The following ALPK2 variants were observed in gnomAD, a reference collection of about 807,000 sequenced individuals.
ALPK2 encodes the protein alpha kinase 2.
In ALPK2, 127 loss-of-function variants were observed where a neutral mutation model predicts 163.1. The observed-to-expected ratio is 0.78, with a 90% CI of 0.67 to 0.90. ALPK2 has a LOEUF of 0.90. Among genes scored for constraint, ALPK2 ranks in the 40% least tolerant of loss-of-function variants. ALPK2 has a pLI of 0.00. For synonymous variants in ALPK2, 953 were observed against 959.1 expected (o/e 0.99, Z 0.12); for missense variants, 2,360 against 2,589.6 (o/e 0.91, Z 1.92).
intron 3 of ALPK2, among the ~76,000 whole-genome samples, chr18:58,605,527 G>A (rs2052093604): frequency 6.6e-6 from 1 of 152,304 alleles, no homozygotes; most frequent in Admixed American, 6.5e-5. Flanking sequence ...CCCCCTGTGA[G>A]GCCCACAGTC....
At chr18:58,563,291 G>A (rs71357604) in intron 4 of ALPK2, among the ~76,000 whole-genome samples, 22,877 of 152,078 alleles carry the variant, frequency 0.15, 1,980 homozygotes, top group African/African-American at 0.22. Context: ...CTGGCTTTTC[G>A]TCTCTTAAAG....
At chr18:58,601,420 C>T (rs138838903) in intron 3 of ALPK2, among the ~76,000 whole-genome samples, 72 of 152,294 alleles carry the variant, frequency 4.7e-4, no homozygotes, top group African/African-American at 1.2e-3. Context: ...CATGTGAGTA[C>T]GCACACCTTG....
At chr18:58,569,163 G>A (rs562666077) in intron 4 of ALPK2, among the ~76,000 whole-genome samples, 3 of 152,170 alleles carry the variant, frequency 2.0e-5, no homozygotes, top group Non-Finnish European at 4.4e-5. Flanking sequence ...CAGTAACCAG[G>A]CCACTGCACT....
At chr18:58,511,714 C>G (rs115201564) in intron 10 of ALPK2, 3 of 152,152 alleles carry the variant, frequency 2.0e-5, no homozygotes, top group Admixed American at 2.0e-4. Flanking sequence ...ATTACACCTG[C>G]GGGCCAGCTA....
In ALPK2 at chr18:58,593,773, G is replaced by A. The variant is rs183472419; in HGVS notation, c.228-13225C>T. On this transcript the variant is annotated intron_variant, in intron 3 of 12. Transcript: ENST00000361673. ...CATGCCTGTAATCCCAGCTACTTGG[G>A]AGGCTGAGGCATGAGAATTGTTTGA... Among the ~76,000 whole-genome samples the A allele has an allele frequency of 1.6e-3, 242 of 152,068 alleles. 1 individual carries two copies. The highest frequency in any genetic ancestry group is 3.4e-3 in the Middle Eastern group (1 of 294).
intron 11 of ALPK2, among the ~76,000 whole-genome samples, chr18:58,502,665 T>C (rs887243460): frequency 3.9e-5 from 6 of 152,212 alleles, no homozygotes; most frequent in Non-Finnish European, 8.8e-5. Flanking sequence ...CAAACAGAAA[T>C]AGGAAACCCC....
At chr18:58,549,930 G>A (rs547395238) in intron 4 of ALPK2, among the ~76,000 whole-genome samples, 1 of 151,986 alleles carries the variant, frequency 6.6e-6, no homozygotes, top group Non-Finnish European at 1.5e-5. Context: ...CCACAATCCC[G>A]GCATTGCAAA....
chr18:58,529,048 A>G (rs1205293699), intron 6 of ALPK2, 43 bp downstream of exon 6: 1 of 1,612,722 alleles, frequency 6.2e-7, no homozygotes, highest in Admixed American at 1.7e-5. Flanking sequence ...TGTGAAATAA[A>G]CAAGCAACAA....
intron 2 of ALPK2, among the ~76,000 whole-genome samples, chr18:58,609,836 T>C (rs747847078): frequency 1.2e-4 from 19 of 152,206 alleles, no homozygotes; most frequent in Non-Finnish European, 7.3e-5. Flanking sequence ...GTTCAGGGCA[T>C]GTCCAAACAC....
intron 4 of ALPK2, among the ~76,000 whole-genome samples, chr18:58,572,457 G>C (rs2051890549): frequency 6.6e-6 from 1 of 152,172 alleles, no homozygotes; most frequent in African/African-American, 2.4e-5. Context: ...AAATGTTTTA[G>C]CCATGAGAGC....
chr18:58,540,929 G>A (rs147464972), intron 4 of ALPK2, among the ~76,000 whole-genome samples: 54 of 152,232 alleles, frequency 3.5e-4, no homozygotes, highest in African/African-American at 1.3e-3. Flanking sequence ...AGTAATAAGC[G>A]GGTACCTAGA....
chr18:58,535,684 A>C lies in ALPK2; in HGVS notation c.4503T>G (p.Gly1501=), dbSNP rs1242365485. The C allele has an allele frequency of 4.3e-6, 7 of 1,614,106 alleles. No individual in the cohort carries two copies. The highest frequency in any genetic ancestry group is 1.3e-5 in the African/African-American group (1 of 74,938). Residue 1501 remains glycine, a synonymous_variant, in exon 5 of 13, where the codon GGT becomes GGG. Transcript: ENST00000361673. The stretch of plus-strand genomic sequence containing the variant: ...TGCTACATCCACTTGGAATTCTTTC[A>C]CCGCCTTCGCTGGGTTGCAGGACTT... The part of the protein sequence containing the change: ...IWQVLQPSEG[G]ERIPSGCSIG...
At chr18:58,622,884 G>A (rs2144243552) in intron 1 of ALPK2, among the ~76,000 whole-genome samples, 1 of 152,278 alleles carries the variant, frequency 6.6e-6, no homozygotes, top group South Asian at 2.1e-4. Flanking sequence ...TACTTTCAAT[G>A]TGACCAAGAG....
At chr18:58,552,100 AT>A (rs1297082983) in intron 4 of ALPK2, among the ~76,000 whole-genome samples, 1 of 152,198 alleles carries the variant, frequency 6.6e-6, no homozygotes, top group African/African-American at 2.4e-5. Flanking sequence ...TTAAAAAAAA[AT>A]GCCCCAAATC....
At position 58,536,604 on chromosome 18, in the gene ALPK2, C is replaced by T. The variant is rs201941824; in HGVS notation, c.3583G>A (p.Val1195Met). The T allele has an allele frequency of 1.9e-3, 3,085 of 1,614,148 alleles. 70 individuals are homozygous for T. The South Asian group carries it at 0.032, about 17-fold the overall frequency. ...TCTTCCCCAGCAGTTTCAGCCACCA[C>T]GGAGACCCTCGTCCCCCAACCTGAG... ...QRSGWGTRVS[V>M]VAETAGEEDS... is the part of the protein sequence containing the mutation. Residue 1195 changes from valine to methionine, a missense_variant, in exon 5 of 13, where the codon GTG (valine) becomes ATG (methionine). Coordinates refer to ENST00000361673, the MANE Select transcript of ALPK2 (RefSeq NM_052947.4).
chr18:58,490,093 G>A (rs2051365722), intron 12 of ALPK2, among the ~76,000 whole-genome samples: 2 of 151,940 alleles, frequency 1.3e-5, no homozygotes, highest in African/African-American at 4.8e-5. Flanking sequence ...AAGAAAAAAA[G>A]AAACTTCCTA....
Position 58,536,354 on chromosome 18 carries a change from C to CT in ALPK2, c.3832dup (p.Ser1278LysfsTer10). 4 of 1,614,246 alleles carry CT rather than the reference C, an allele frequency of 2.5e-6. No individual in the cohort carries two copies. The highest frequency in any genetic ancestry group is 3.4e-6 in the Non-Finnish European group (4 of 1,180,040). Reference sequence around the variant, plus strand: ...AGGCACAACAGCATCTGCCTTTAGACTATCAGGTACAGCCCAGACCTTGTC... The same window carrying CT: ...AGGCACAACAGCATCTGCCTTTAGACTTATCAGGTACAGCCCAGACCTTGTC... On this transcript the variant is annotated frameshift_variant, in exon 5 of 13. Transcript: ENST00000361673.
chr18:58,523,248 C>A, intron 8 of ALPK2, among the ~76,000 whole-genome samples: 1 of 151,754 alleles, frequency 6.6e-6, no homozygotes, highest in Non-Finnish European at 1.5e-5. Context: ...ATGAACTCAT[C>A]ATTTTTTATG....
At chr18:58,509,172 A>G (rs1242323542) in intron 10 of ALPK2, among the ~76,000 whole-genome samples, 1 of 151,698 alleles carries the variant, frequency 6.6e-6, no homozygotes, top group Non-Finnish European at 1.5e-5. Flanking sequence ...GCTGAGAATG[A>G]TGGTTTCCAG....
Sources: gnomAD v4.1 joint callset for allele counts (sites outside exome capture counted in the v4.1 genomes callset) on GRCh38, gnomAD v4.1.1 for gene constraint, MANE v1.5 for transcripts, NCBI Gene and HGNC (gene_info 2026-07-23, HGNC 2026-07-21) for gene names.